MCM7: variants seen among roughly 807,000 people sequenced by gnomAD.
MCM7 encodes the protein minichromosome maintenance complex component 7, also known as DNA replication licensing factor MCM7.
MCM7 carries 95 observed loss-of-function variants against 83.5 expected under a neutral mutation model. The observed-to-expected ratio is 1.14, with a 90% confidence interval of 0.96 to 1.35. MCM7 has a LOEUF of 1.35. Among genes scored for constraint, MCM7 ranks in the 40% most tolerant of loss-of-function variants. The pLI is 0.00. For synonymous variants in MCM7, 461 were observed against 352.7 expected (o/e 1.31, Z -3.44); for missense variants, 1,087 against 957.4 (o/e 1.14, Z -1.79).
intron 6 of MCM7, 72 bp downstream of exon 6, chr7:100,098,506 A>G: frequency 1.9e-6 from 3 of 1,592,214 alleles, no homozygotes; most frequent in South Asian, 1.1e-5. Context: ...TCTTCCTGCC[A>G]TTCCACAAGT....
chr7:100,093,634 A>G (rs1300121887), intron 13 of MCM7: 2 of 750,358 alleles, frequency 2.7e-6, no homozygotes, highest in Non-Finnish European at 5.0e-6. Flanking sequence ...TCCGCCTCTC[A>G]ACACTGGCCA....
intron 1 of MCM7, chr7:100,100,455 T>C: frequency 1.0e-6 from 1 of 998,804 alleles, no homozygotes. Context: ...TAGCCCCTGA[T>C]TTCACCGGGA....
intron 5 of MCM7, 149 bp from the exon 6 acceptor site, chr7:100,098,864 C>T (rs1247639348): frequency 2.2e-6 from 3 of 1,369,160 alleles, no homozygotes; most frequent in African/African-American, 2.9e-5. Context: ...AACAAACACC[C>T]AGAAAATAGG....
rs1795429207 is a variant in MCM7 at position 100,093,419 on chromosome 7, G to A, written c.1849-18C>T. On this transcript the variant is annotated intron_variant, in intron 13 of 14. Transcript: ENST00000303887. ...AGACGTGCCTAAGGGGAAGGTAGGG[G>A]GGAAAGATGGGAACGGGAGGAGGGC... The A allele has an allele frequency of 5.0e-6, 8 of 1,607,580 alleles. No homozygotes were observed. Among genetic ancestry groups the A allele is most frequent in the Non-Finnish European group, 6.8e-6 (8 of 1,174,254 alleles).
chr7:100,100,844 C>T lies in MCM7; in HGVS notation c.31+420G>A, dbSNP rs986716226. 5.6e-5 allele frequency: 57 copies of T among 1,017,414 alleles called. 1 individual carries two copies. The South Asian group carries it at 2.0e-3, about 35-fold the overall frequency. The allele number at this position is 1,017,414 out of a possible 1,614,324, so 63.0% of individuals were successfully genotyped here. The stretch of plus-strand genomic sequence containing the variant: ...ACGGCCAATCCCGGCGCGCAGCGGC[C>T]CCGGCCTGCCCGCCCCCGGGGCCTA... On this transcript the variant is annotated intron_variant, in intron 1 of 14. Coordinates refer to ENST00000303887, the MANE Select transcript of MCM7 (RefSeq NM_005916.5).
intron 1 of MCM7, chr7:100,100,706 C>T (rs946089969): frequency 2.0e-6 from 2 of 989,936 alleles, no homozygotes; most frequent in Non-Finnish European, 2.4e-6. Context: ...CCCCCCCGGG[C>T]CGCAGCTCTC....
chr7:100,095,603 A>G, intron 11 of MCM7, 133 bp from the exon 12 acceptor site: 1 of 1,298,110 alleles, frequency 7.7e-7, no homozygotes, highest in Non-Finnish European at 1.1e-6. Context: ...AATCCTCATC[A>G]GCATTTCAGC....
chr7:100,095,734 A>G (rs1795594180), intron 11 of MCM7, 40 bp downstream of exon 11: 6 of 1,532,364 alleles, frequency 3.9e-6, no homozygotes, highest in Non-Finnish European at 4.4e-6. Context: ...TACACAGATC[A>G]TTACAGGGGA....
intron 10 of MCM7, among the ~76,000 whole-genome samples, chr7:100,096,538 G>A (rs74406926): frequency 0.04 from 6,068 of 152,270 alleles, 123 homozygotes; most frequent in Middle Eastern, 0.068. Context: ...TTCGGAGGCC[G>A]ATAACAAGGC....
chr7:100,098,920 C>T (rs1277763385), intron 5 of MCM7, 103 bp downstream of exon 5: 2 of 1,498,950 alleles, frequency 1.3e-6, no homozygotes, highest in Non-Finnish European at 9.1e-7. Context: ...AACACACAGG[C>T]AACTTTTACA....
intron 1 of MCM7, chr7:100,100,354 G>C (rs1795909261): frequency 8.8e-7 from 1 of 1,137,464 alleles, no homozygotes; most frequent in African/African-American, 1.6e-5. Context: ...TAAAATTCTA[G>C]CGCCCTTCCC....
chr7:100,096,830 C>T (rs894141664), intron 10 of MCM7, among the ~76,000 whole-genome samples: 11 of 152,066 alleles, frequency 7.2e-5, no homozygotes, highest in African/African-American at 1.9e-4. Flanking sequence ...AGGCCGGGTG[C>T]GGTGGCTCAC....
Position 100,101,358 on chromosome 7 carries a change from GA to G in MCM7, c.-65del, listed in dbSNP as rs1276915297. ...GAGGTCTTGCTCCTGGGGAAGCTGA[GA>G]ATCTCCGCGCGGTGGACTGTGGCCG... On this transcript the variant is annotated 5_prime_UTR_variant, in exon 1 of 15. Coordinates refer to ENST00000303887, the MANE Select transcript of MCM7 (RefSeq NM_005916.5). 24 of 1,605,296 alleles carry G rather than the reference GA, an allele frequency of 1.5e-5. No homozygotes were observed. Among genetic ancestry groups the G allele is most frequent in the Non-Finnish European group, 2.0e-5 (24 of 1,175,610 alleles).
At chr7:100,098,320 G>A (rs549866774) in intron 6 of MCM7, 30 bp from the exon 7 acceptor site, 5 of 1,611,302 alleles carry the variant, frequency 3.1e-6, no homozygotes, top group East Asian at 4.5e-5. Flanking sequence ...ATAAGACTAG[G>A]AGAAATGGAC....
intron 2 of MCM7, 54 bp downstream of exon 2, chr7:100,099,960 T>C (rs1795869763): frequency 1.3e-6 from 2 of 1,527,184 alleles, no homozygotes; most frequent in Admixed American, 1.7e-5. Flanking sequence ...AGCTGCTGCT[T>C]ATGGCTCCTT....
At chr7:100,094,540 A>C (rs77603567) in intron 12 of MCM7, among the ~76,000 whole-genome samples, 199 bp from the exon 13 acceptor site, 6,072 of 152,280 alleles carry the variant, frequency 0.04, 125 homozygotes, top group Middle Eastern at 0.068. Flanking sequence ...TATAGCCCCC[A>C]CCAGTATCCT....
chr7:100,093,550 C>T (rs748502440), intron 13 of MCM7, 149 bp from the exon 14 acceptor site: 12 of 814,198 alleles, frequency 1.5e-5, no homozygotes, highest in Middle Eastern at 2.2e-4. Context: ...CCCCAGCATC[C>T]GCAGTGTTGG....
At position 100,095,859 on chromosome 7, in the gene MCM7, T is replaced by C; in HGVS notation, c.1510A>G (p.Asn504Asp). The change falls in exon 11 of 15, where the codon AAC becomes GAC. Residue 504 changes from asparagine to aspartate, a missense_variant. Coordinates refer to ENST00000303887, the MANE Select transcript of MCM7 (RefSeq NM_005916.5). ...RYNPRRSLEQ[N>D]IQLPAALLSR... ...AGCAGTGCAGCAGGTAGCTGTATGT[T>C]CTGCTCCAGGCTGCGGCGAGGGTTG... 6.2e-7 allele frequency: 1 copy of C among 1,613,226 alleles called. No individual in the cohort carries two copies. Among genetic ancestry groups the C allele is most frequent in the Non-Finnish European group, 8.5e-7 (1 of 1,179,926 alleles).
At chr7:100,097,541 AG>A in intron 9 of MCM7, 72 bp downstream of exon 9, 1 of 1,606,854 alleles carries the variant, frequency 6.2e-7, no homozygotes, top group Non-Finnish European at 8.5e-7. Context: ...TGTGACCTAC[AG>A]GGACACTTGT....
Sources: allele counts gnomAD v4.1 joint callset (sites outside exome capture counted in the v4.1 genomes callset), GRCh38; gene constraint gnomAD v4.1.1; transcripts MANE v1.5; gene names NCBI Gene and HGNC (gene_info 2026-07-23, HGNC 2026-07-21).